LYG2: variants seen among roughly 807,000 people sequenced by gnomAD.
LYG2 encodes the protein lysozyme g-like protein 2.
Under a neutral mutation model 22.4 loss-of-function variants are expected in LYG2, and 25 were observed. That is an observed-to-expected ratio of 1.12 (90% CI 0.81 to 1.56). The LOEUF is 1.56. Ranked by LOEUF, LYG2 falls within the 40% of genes most tolerant of loss-of-function variation. The pLI is 0.00. For missense variants in LYG2, 266 were observed against 269.5 expected (o/e 0.99, Z 0.09); for synonymous variants, 88 against 97.0 (o/e 0.91, Z 0.55).
At chr2:99,254,643 C>A (rs941396497) in intron 2 of LYG2, among the ~76,000 whole-genome samples, 1 of 152,096 alleles carries the variant, frequency 6.6e-6, no homozygotes, top group Non-Finnish European at 1.5e-5. Flanking sequence ...ATTCACCCTA[C>A]CCCTGGCTTC....
At chr2:99,244,507 G>T (rs893248793) in intron 5 of LYG2, among the ~76,000 whole-genome samples, 1 of 152,130 alleles carries the variant, frequency 6.6e-6, no homozygotes, top group African/African-American at 2.4e-5. Flanking sequence ...TTAAAATCGA[G>T]CCTGGAAGCA....
At chr2:99,243,883 C>G (rs2094011008) in intron 6 of LYG2, 116 bp downstream of exon 6, 2 of 1,221,588 alleles carry the variant, frequency 1.6e-6, no homozygotes, top group East Asian at 4.7e-5. Flanking sequence ...CTAGACAGCT[C>G]CTCCCAGGGC....
At chr2:99,245,612 T>TA (rs34440649) in intron 4 of LYG2, among the ~76,000 whole-genome samples, 154 bp from the exon 5 acceptor site, 51,438 of 125,316 alleles carry the variant, frequency 0.41, 10,058 homozygotes, top group East Asian at 0.63. Context: ...CATCTCTAAT[T>TA]AAAAAAAAAA....
upstream of LYG2, among the ~76,000 whole-genome samples, chr2:99,256,065 C>T (rs2094035859): frequency 6.6e-6 from 1 of 152,132 alleles, no homozygotes; most frequent in East Asian, 1.9e-4. Flanking sequence ...CACAGTCCTC[C>T]CCCACATCCA....
At chr2:99,247,780 C>G (rs1226047188) in intron 3 of LYG2, among the ~76,000 whole-genome samples, 1 of 152,034 alleles carries the variant, frequency 6.6e-6, no homozygotes, top group African/African-American at 2.4e-5. Flanking sequence ...AAACTACCAT[C>G]AGAGTGAACA....
Position 99,246,745 on chromosome 2 carries a change from T to C in LYG2, c.119A>G (p.Tyr40Cys). ...GGTCTTCATGGTCATGATGTCCCCATAGCAGCCGTGGTACAGGCGTGGATG... is the reference window on the plus strand; with the variant it reads ...GGTCTTCATGGTCATGATGTCCCCACAGCAGCCGTGGTACAGGCGTGGATG... ...HLHPRLYHGC[Y>C]GDIMTMKTSG... The change falls in exon 4 of 7, where the codon TAT becomes TGT. Residue 40 changes from tyrosine to cysteine, a missense_variant. Transcript: ENST00000333017. The C allele has an allele frequency of 6.2e-7, 1 of 1,614,124 alleles. No homozygotes were observed. The highest frequency in any genetic ancestry group is 1.1e-5 in the South Asian group (1 of 91,084).
intron 3 of LYG2, among the ~76,000 whole-genome samples, chr2:99,252,033 G>T: frequency 7.6e-5 from 2 of 26,246 alleles, no homozygotes; most frequent in African/African-American, 1.9e-4. Context: ...CTGACCTCTT[G>T]ATCCGCCTGC....
chr2:99,257,327 T>A (rs2094038109), upstream of LYG2, among the ~76,000 whole-genome samples: 1 of 152,226 alleles, frequency 6.6e-6, no homozygotes, highest in Admixed American at 6.5e-5. Flanking sequence ...CGCACTGACC[T>A]TGTATGGTAT....
At chr2:99,243,264 T>G (rs1439779356) in intron 6 of LYG2, 5 of 636,602 alleles carry the variant, frequency 7.9e-6, no homozygotes, top group East Asian at 2.9e-5. Context: ...CTCCAAGACA[T>G]GTAAAATGCA....
At chr2:99,251,636 A>C (rs1468037139) in intron 3 of LYG2, among the ~76,000 whole-genome samples, 1 of 152,122 alleles carries the variant, frequency 6.6e-6, no homozygotes, top group Admixed American at 6.6e-5. Context: ...CACTGAAAAC[A>C]CCTGAAATAA....
chr2:99,247,177 C>A (rs1264923354), intron 3 of LYG2, among the ~76,000 whole-genome samples: 4 of 152,140 alleles, frequency 2.6e-5, no homozygotes, highest in Admixed American at 1.3e-4. Context: ...GCTGCAGGCA[C>A]CAACACCTGG....
chr2:99,244,257 A>C (rs543214275), intron 5 of LYG2, 120 bp from the exon 6 acceptor site: 4 of 954,318 alleles, frequency 4.2e-6, no homozygotes, highest in Non-Finnish European at 6.1e-6. Flanking sequence ...CAAAGAGTCA[A>C]TTCTATTGTT....
chr2:99,246,988 C>T (rs1217129037), intron 3 of LYG2, among the ~76,000 whole-genome samples, 168 bp from the exon 4 acceptor site: 3 of 152,272 alleles, frequency 2.0e-5, no homozygotes, highest in South Asian at 2.1e-4. Flanking sequence ...CACTCTGCTC[C>T]GATCTTTTGT....
rs1430512796 is a variant in LYG2 at position 99,254,202 on chromosome 2, T to G, written c.43+16A>C. On this transcript the variant is annotated intron_variant, in intron 3 of 6. Transcript: ENST00000333017. ...GACACCCTGTGAACAATGCTAAATC[T>G]CAGCCAGTGACTTACCAATGAGGGC... is the stretch of plus-strand genomic sequence containing the variant. The G allele has an allele frequency of 6.2e-7, 1 of 1,612,056 alleles. No homozygotes were observed. The highest frequency in any genetic ancestry group is 8.5e-7 in the Non-Finnish European group (1 of 1,178,168).
chr2:99,255,338 T>C (rs925573081), intron 1 of LYG2: 10 of 152,194 alleles, frequency 6.6e-5, no homozygotes, highest in Non-Finnish European at 2.9e-5. Context: ...CTTTAAACCA[T>C]TGACCTCATT....
At chr2:99,243,672 A>ATTACAGGCACACGC in intron 6 of LYG2, 2 of 476,032 alleles carry the variant, frequency 4.2e-6, no homozygotes, top group South Asian at 2.9e-5. Flanking sequence ...AGTAGCTGGG[A>ATTACAGGCACACGC]CTGTGTGTCA....
chr2:99,249,493 TG>T (rs2094022520), intron 3 of LYG2, among the ~76,000 whole-genome samples: 1 of 151,248 alleles, frequency 6.6e-6, no homozygotes, highest in Non-Finnish European at 1.5e-5. Context: ...TTGGGCGTGG[TG>T]GCTCACACCT....
At chr2:99,260,634 G>T (rs1236362077), upstream of LYG2, among the ~76,000 whole-genome samples, 2 of 152,188 alleles carry the variant, frequency 1.3e-5, no homozygotes, top group African/African-American at 2.4e-5. Flanking sequence ...TTTTGTCATG[G>T]TTTAACCTGG....
At chr2:99,259,422 A>C (rs1045042859), upstream of LYG2, among the ~76,000 whole-genome samples, 1 of 152,230 alleles carries the variant, frequency 6.6e-6, no homozygotes, top group African/African-American at 2.4e-5. Context: ...GTTAAAAAAA[A>C]AATCCAGGAA....
Sources: allele counts gnomAD v4.1 joint callset (sites outside exome capture counted in the v4.1 genomes callset), GRCh38; gene constraint gnomAD v4.1.1; transcripts MANE v1.5; gene names NCBI Gene and HGNC (gene_info 2026-07-23, HGNC 2026-07-21).